The following TACC2 variants were observed in gnomAD, a reference collection of about 807,000 sequenced individuals.
The protein encoded by TACC2 is transforming acidic coiled-coil containing protein 2, also known as transforming acidic coiled-coil-containing protein 2.
TACC2 carries 137 observed loss-of-function variants against 227.3 expected under a neutral mutation model. The ratio of observed to expected loss-of-function variants is 0.60; its 90% CI spans 0.52 to 0.69. The LOEUF (loss-of-function observed/expected upper bound fraction) is 0.69. Ranked by LOEUF, TACC2 falls within the 30% of genes least tolerant of loss-of-function variation. The pLI, the probability that TACC2 is intolerant of heterozygous loss-of-function variation, is 0.00. For missense variants in TACC2, 3,470 were observed against 3,694.4 expected (o/e 0.94, Z 1.57); for synonymous variants, 1,523 against 1,487.5 (o/e 1.02, Z -0.55).
chr10:122,227,765 A>G (rs1030809615), intron 13 of TACC2, 72 bp from the exon 14 acceptor site: 1 of 1,499,504 alleles, frequency 6.7e-7, no homozygotes, highest in South Asian at 1.3e-5. Flanking sequence ...TGACTTGGTC[A>G]GGGCATCCTG....
At chr10:122,073,106 C>CAAAAAAAAAA (rs1164376721) in intron 3 of TACC2, among the ~76,000 whole-genome samples, 1 of 19,420 alleles carries the variant, frequency 5.1e-5, no homozygotes, top group Non-Finnish European at 8.5e-5. Context: ...GACTCTGTCT[C>CAAAAAAAAAA]AAAAAAAAAA....
chr10:122,171,580 C>T (rs1592893644), intron 7 of TACC2, among the ~76,000 whole-genome samples: 4 of 152,208 alleles, frequency 2.6e-5, no homozygotes. Context: ...GGGTTTAAAT[C>T]CCCCAGCACT....
chr10:122,039,274 C>T (rs1591356683), intron 2 of TACC2, among the ~76,000 whole-genome samples: 2 of 152,294 alleles, frequency 1.3e-5, no homozygotes. Context: ...CCGTGCTGGC[C>T]TCCTGACTCT....
rs2093949697 is a variant in TACC2, at chr10:122,180,798, G to A, written c.5835-14242G>A. 6.6e-6 allele frequency among the ~76,000 whole-genome samples: 1 copy of A among 152,028 alleles called. No individual in the cohort carries two copies. Among genetic ancestry groups the A allele is most frequent in the Non-Finnish European group, 1.5e-5 (1 of 68,014 alleles). ...TTGCCGAGGCTGGATGGAGTGCAATGGCGCAGTCTCGGCTCACTGCAAACC... is the reference window on the plus strand; with the variant it reads ...TTGCCGAGGCTGGATGGAGTGCAATAGCGCAGTCTCGGCTCACTGCAAACC... On this transcript the variant is annotated intron_variant, in intron 7 of 22. Coordinates refer to ENST00000369005, the MANE Select transcript of TACC2 (RefSeq NM_206862.4). The surrounding 1 kb of genome is among the most constrained non-coding windows in gnomAD (Gnocchi z 4.5).
intron 8 of TACC2, among the ~76,000 whole-genome samples, chr10:122,201,063 A>T (rs554660404): frequency 3.5e-5 from 5 of 143,596 alleles, no homozygotes; most frequent in African/African-American, 1.1e-4. Context: ...CCACATCTAC[A>T]GTGAGAGGAC....
chr10:122,028,084 C>CTTTTTTTTTTTTTTTTTTTTTTTTTTTTT (rs59135261), intron 2 of TACC2, among the ~76,000 whole-genome samples: 5 of 91,744 alleles, frequency 5.4e-5, no homozygotes, highest in African/African-American at 9.6e-5. Context: ...TTCTTTCTTT[C>CTTTTTTTTTTTTTTTTTTTTTTTTTTTTT]TTTTTTTTTT....
chr10:122,003,040 TA>T (rs1954607087), intron 1 of TACC2, among the ~76,000 whole-genome samples: 3 of 152,080 alleles, frequency 2.0e-5, no homozygotes, highest in Admixed American at 1.3e-4. Context: ...CCGTCTCTAC[TA>T]AAACTACAAA....
At chr10:122,122,420 A>G (rs1371110621) in intron 5 of TACC2, among the ~76,000 whole-genome samples, 1 of 152,196 alleles carries the variant, frequency 6.6e-6, no homozygotes, top group Non-Finnish European at 1.5e-5. Context: ...GGAATCATAA[A>G]AGTGGCATTT....
intron 1 of TACC2, among the ~76,000 whole-genome samples, chr10:122,021,370 A>G (rs543580843): frequency 6.6e-6 from 1 of 152,324 alleles, no homozygotes; most frequent in African/African-American, 2.4e-5. Flanking sequence ...CCTTAGCAAG[A>G]AAGCCATTCT....
chr10:122,134,157 A>G (rs2089017429), intron 6 of TACC2, among the ~76,000 whole-genome samples: 1 of 149,984 alleles, frequency 6.7e-6, no homozygotes, highest in Non-Finnish European at 1.5e-5. Flanking sequence ...TATAGGTGGG[A>G]GTCAGCCATA....
Position 122,211,032 on chromosome 10 carries a change from T to C in TACC2, c.6607T>C (p.Cys2203Arg), listed in dbSNP as rs754298643. 2.5e-6 allele frequency: 4 copies of C among 1,612,450 alleles called. No individual in the cohort carries two copies. The highest frequency in any genetic ancestry group is 2.5e-6 in the Non-Finnish European group (3 of 1,179,328). ...LEPAVGPKAA[C>R]PLDSESAEGV... ...GCCCGCTGTGGGGCCCAAAGCTGCC[T>C]GCCCTCTGGACTCAGAGAGTGCAGA... Residue 2203 changes from cysteine to arginine, a missense_variant, in exon 9 of 23, where the codon TGC becomes CGC. Transcript: ENST00000369005.
intron 11 of TACC2, among the ~76,000 whole-genome samples, chr10:122,220,481 C>A (rs539267838): frequency 6.6e-6 from 1 of 152,104 alleles, no homozygotes; most frequent in Non-Finnish European, 1.5e-5. Flanking sequence ...GCATCCACCT[C>A]GCTAACACAC....
rs1385563896 is a variant in TACC2, at chr10:122,123,671, C to T, written c.5574-8938C>T. Among the ~76,000 whole-genome samples, 4 of 152,210 alleles carry T rather than the reference C, an allele frequency of 2.6e-5. No homozygotes were observed. In the East Asian group the frequency reaches 7.7e-4, roughly 29 times the overall value. On this transcript the variant is annotated intron_variant, in intron 5 of 22. Coordinates refer to ENST00000369005, the MANE Select transcript of TACC2 (RefSeq NM_206862.4). Reference sequence around the variant, plus strand: ...ATTCCATTTTGCTGACTTATGACAGCCTTTGCTTCTCTTTTCAAAACTGAT... The same window carrying T: ...ATTCCATTTTGCTGACTTATGACAGTCTTTGCTTCTCTTTTCAAAACTGAT...
chr10:122,100,836 G>A (rs1419169373), intron 5 of TACC2, among the ~76,000 whole-genome samples: 1 of 152,192 alleles, frequency 6.6e-6, no homozygotes, highest in Non-Finnish European at 1.5e-5. Context: ...ACTCCAGTGT[G>A]GCTGAGAGAT....
At chr10:122,244,776 A>G (rs1564840103) in intron 19 of TACC2, among the ~76,000 whole-genome samples, 2 of 152,058 alleles carry the variant, frequency 1.3e-5, no homozygotes, top group Admixed American at 6.6e-5. Context: ...TCCAGCCCAC[A>G]TGTCTAGCTC....
chr10:122,063,552 G>A (rs551524942), intron 3 of TACC2, among the ~76,000 whole-genome samples: 1 of 152,230 alleles, frequency 6.6e-6, no homozygotes, highest in South Asian at 2.1e-4. Context: ...AAACAACAGG[G>A]GAAGAGGAGT....
intron 7 of TACC2, among the ~76,000 whole-genome samples, chr10:122,151,384 G>T (rs2092020648): frequency 6.6e-6 from 1 of 152,084 alleles, no homozygotes; most frequent in Non-Finnish European, 1.5e-5. Context: ...AAGTGCTTCA[G>T]GGAAGAGGAA....
intron 8 of TACC2, among the ~76,000 whole-genome samples, chr10:122,204,321 T>G (rs2095030321): frequency 6.6e-6 from 1 of 152,186 alleles, no homozygotes; most frequent in Non-Finnish European, 1.5e-5. Context: ...CCGGTGTTAT[T>G]TCCCCCATTG....
At chr10:122,233,090 G>A (rs957713049) in intron 16 of TACC2, among the ~76,000 whole-genome samples, 6 of 152,166 alleles carry the variant, frequency 3.9e-5, no homozygotes, top group African/African-American at 1.2e-4. Context: ...AGCTGCAGTG[G>A]GGGTTTCTCC....
Sources: gnomAD v4.1 joint callset for allele counts (sites outside exome capture counted in the v4.1 genomes callset) on GRCh38, gnomAD v4.1.1 for gene constraint, Gnocchi (gnomAD v3.1) non-coding constraint, MANE v1.5 for transcripts, NCBI Gene and HGNC (gene_info 2026-07-23, HGNC 2026-07-21) for gene names.